IKBKE: variants seen among roughly 807,000 people sequenced by gnomAD.
The protein encoded by IKBKE is inhibitor of nuclear factor kappa-B kinase subunit epsilon.
A neutral mutation model predicts 92.1 loss-of-function variants in IKBKE; 45 were observed. The observed-to-expected ratio is 0.49, with a 90% CI of 0.38 to 0.63. The LOEUF is 0.63. Among genes scored for constraint, IKBKE ranks in the 20% least tolerant of loss-of-function variants. IKBKE has a pLI of 0.00. For missense variants in IKBKE, 700 were observed against 932.8 expected, an observed-to-expected ratio of 0.75 and a Z score of 3.25; for synonymous variants, 374 against 380.3, an observed-to-expected ratio of 0.98 and a Z score of 0.19.
chr1:206,471,732 C>T (rs1224203224), intron 2 of IKBKE, among the ~76,000 whole-genome samples: 1 of 152,212 alleles, frequency 6.6e-6, no homozygotes, highest in Non-Finnish European at 1.5e-5. Context: ...GTAATGTCCG[C>T]TCCTACCTGA....
intron 13 of IKBKE, among the ~76,000 whole-genome samples, chr1:206,484,465 T>G (rs12142086): frequency 2.6e-5 from 4 of 152,066 alleles, no homozygotes; most frequent in African/African-American, 9.7e-5. Flanking sequence ...GGTGTGACCT[T>G]GTCACCGTGC....
chr1:206,474,388 C>G lies in IKBKE; in HGVS notation c.145C>G (p.Arg49Gly). The G allele has an allele frequency of 6.2e-7, 1 of 1,613,816 alleles. No individual in the cohort carries two copies. Among genetic ancestry groups the G allele is most frequent in the East Asian group, 2.2e-5 (1 of 44,884 alleles). Residue 49 changes from arginine to glycine, a missense_variant, in exon 4 of 22, where the codon CGC becomes GGC. Coordinates refer to ENST00000581977, the MANE Select transcript of IKBKE (RefSeq NM_014002.4). ...CAACACTACCAGCTACCTGCGGCCC[C>G]GCGAGGTGCAGGTGAGGGAGTTTGA... Reference protein sequence around the residue: ...VFNTTSYLRPREVQVREFEVL... With the variant: ...VFNTTSYLRPGEVQVREFEVL...
chr1:206,495,218 G>A (rs1553391828), intron 21 of IKBKE, among the ~76,000 whole-genome samples: 1 of 152,148 alleles, frequency 6.6e-6, no homozygotes, highest in African/African-American at 2.4e-5. Flanking sequence ...AGTCAGCAGA[G>A]GTTCCTACAG....
Position 206,484,990 on chromosome 1 carries a change from C to T in IKBKE, c.1428-7C>T. The T allele has an allele frequency of 1.2e-6, 2 of 1,613,256 alleles. No individual in the cohort carries two copies. The highest frequency in any genetic ancestry group is 1.7e-6 in the Non-Finnish European group (2 of 1,179,500). ...CAAATGTGGCCTTTCTCTTTGCTTCCCTCAAGGTTCAGCAGCGTGGCTGGA... is the reference window on the plus strand; with the variant it reads ...CAAATGTGGCCTTTCTCTTTGCTTCTCTCAAGGTTCAGCAGCGTGGCTGGA... On this transcript the variant is annotated splice_region_variant and splice_polypyrimidine_tract_variant and intron_variant, in intron 13 of 21. Coordinates refer to ENST00000581977, the MANE Select transcript of IKBKE (RefSeq NM_014002.4).
chr1:206,494,492 C>T (rs915259013), intron 21 of IKBKE, among the ~76,000 whole-genome samples: 1 of 152,104 alleles, frequency 6.6e-6, no homozygotes, highest in Non-Finnish European at 1.5e-5. Flanking sequence ...TGATTTGACT[C>T]CCCTCCTTGG....
chr1:206,480,736 C>A (rs1665337207), intron 13 of IKBKE, among the ~76,000 whole-genome samples: 1 of 152,212 alleles, frequency 6.6e-6, no homozygotes, highest in African/African-American at 2.4e-5. Context: ...AACCCAGTCC[C>A]TCACCTGCAG....
At chr1:206,494,538 G>A (rs1472080996) in intron 21 of IKBKE, among the ~76,000 whole-genome samples, 1 of 149,382 alleles carries the variant, frequency 6.7e-6, no homozygotes, top group Non-Finnish European at 1.5e-5. Flanking sequence ...GTGTGGGAAC[G>A]CAACAGGGCT....
rs1397903255 is a variant in IKBKE, at chr1:206,476,057, C to T, written c.359-124C>T. On this transcript the variant is annotated intron_variant, in intron 5 of 21. Coordinates refer to ENST00000581977, the MANE Select transcript of IKBKE (RefSeq NM_014002.4). The surrounding 1 kb of genome is among the most constrained non-coding windows in gnomAD (Gnocchi z 5.1). ...CTCTGTCCTTCTGCCTGTCCCATGG[C>T]TCTGTCAGCCCATGGGAACTCCTGT... The T allele has an allele frequency of 6.6e-5, 56 of 844,424 alleles. No individual in the cohort carries two copies. The highest frequency in any genetic ancestry group is 9.9e-5 in the Non-Finnish European group (52 of 524,164). The allele number at this position is 844,424 out of a possible 1,614,324, so 52.3% of individuals were successfully genotyped here.
chr1:206,484,094 T>TA (rs1665530919), intron 13 of IKBKE, among the ~76,000 whole-genome samples: 1 of 146,672 alleles, frequency 6.8e-6, no homozygotes, highest in Non-Finnish European at 1.5e-5. Flanking sequence ...CTGGCTTTTA[T>TA]TTTGTATTGT....
At chr1:206,474,191 C>T in intron 3 of IKBKE, 140 bp from the exon 4 acceptor site, 1 of 759,174 alleles carries the variant, frequency 1.3e-6, no homozygotes, top group Non-Finnish European at 2.2e-6. Flanking sequence ...ATGGGAGCCC[C>T]CATCCAACCA....
chr1:206,479,089 C>T lies in IKBKE; in HGVS notation c.1139C>T (p.Thr380Ile), dbSNP rs2103461344. The stretch of plus-strand genomic sequence containing the variant: ...CACACGACGGCAAGCAGCCCCCTGA[C>T]CCTCTTCAGCACAGCCATCCCTAAG... The part of the protein sequence containing the change: ...IAHTTASSPL[T>I]LFSTAIPKGL... The change falls in exon 10 of 22, where the codon ACC (threonine) becomes ATC (isoleucine). Residue 380 changes from threonine to isoleucine, a missense_variant. Coordinates refer to ENST00000581977, the MANE Select transcript of IKBKE (RefSeq NM_014002.4). The T allele has an allele frequency of 6.2e-7, 1 of 1,612,948 alleles. No individual in the cohort carries two copies. The highest frequency in any genetic ancestry group is 8.5e-7 in the Non-Finnish European group (1 of 1,179,696).
At chr1:206,472,448 G>A (rs1311074245) in intron 2 of IKBKE, among the ~76,000 whole-genome samples, 1 of 152,112 alleles carries the variant, frequency 6.6e-6, no homozygotes, top group Middle Eastern at 3.2e-3. Context: ...TGAGGACAAA[G>A]ATGGGAAACA....
intron 16 of IKBKE, among the ~76,000 whole-genome samples, chr1:206,489,456 A>G (rs1294576057): frequency 6.7e-6 from 1 of 149,480 alleles, no homozygotes; most frequent in Non-Finnish European, 1.5e-5. Context: ...TAATCTCAGC[A>G]CTTTGGAAAA....
At chr1:206,492,757 C>T (rs1553390863) in intron 18 of IKBKE, 1 of 608,516 alleles carries the variant, frequency 1.6e-6, no homozygotes, top group South Asian at 1.5e-5. Context: ...TGGCATGCGT[C>T]ACCCAGCCCC....
chr1:206,487,920 G>A lies in IKBKE; in HGVS notation c.1623G>A (p.Gln541=), dbSNP rs2103477183. The A allele has an allele frequency of 1.2e-6, 2 of 1,613,318 alleles. No individual in the cohort carries two copies. ...CCCTGTCTCCTGCCCACAGCATCCA[G>A]CAGATTCAGTGCTGTTTGGACAAGA... The part of the protein sequence containing the change: ...RDQVHEDRSI[Q]QIQCCLDKMN... The change falls in exon 16 of 22, where the codon CAG becomes CAA. Residue 541 remains glutamine, a synonymous_variant. Coordinates refer to ENST00000581977, the MANE Select transcript of IKBKE (RefSeq NM_014002.4). This position sits in a 1 kb window ranked among gnomAD's most constrained non-coding sequence, Gnocchi z 5.3.
At position 206,480,100 on chromosome 1, in the gene IKBKE, C is replaced by T; in HGVS notation, c.1327C>T (p.Leu443=). The T allele has an allele frequency of 6.3e-7, 1 of 1,582,420 alleles. No homozygotes were observed. Among genetic ancestry groups the T allele is most frequent in the Non-Finnish European group, 8.6e-7 (1 of 1,167,206 alleles). ...LDGQELMFRG[L]HWVMEVLQAT... ...TGGGCAGGAGCTAATGTTTCGGGGG[C>T]TGCACTGGGTCATGTGAGTAATCAT... Residue 443 remains leucine, a synonymous_variant, in exon 12 of 22, where the codon CTG becomes TTG. Transcript: ENST00000581977.
chr1:206,477,058 T>C (rs1665107612), intron 7 of IKBKE, among the ~76,000 whole-genome samples: 1 of 152,204 alleles, frequency 6.6e-6, no homozygotes. Flanking sequence ...TGCTCTATGT[T>C]AGTTCGGTGC....
At chr1:206,474,716 G>T in intron 4 of IKBKE, 149 bp from the exon 5 acceptor site, 1 of 926,508 alleles carries the variant, frequency 1.1e-6, no homozygotes. Flanking sequence ...TCCAGTGTGC[G>T]GGATCAGTGT....
chr1:206,472,837 A>G (rs41295982), intron 2 of IKBKE: 7,630 of 267,748 alleles, frequency 0.028, 173 homozygotes, highest in African/African-American at 0.075. Context: ...CCTGGATGCC[A>G]AAACCCCAGA....
Sources: gnomAD v4.1 joint callset for allele counts (sites outside exome capture counted in the v4.1 genomes callset) on GRCh38, gnomAD v4.1.1 for gene constraint, Gnocchi (gnomAD v3.1) non-coding constraint, MANE v1.5 for transcripts, NCBI Gene and HGNC (gene_info 2026-07-23, HGNC 2026-07-21) for gene names.